SMOC1: variants seen among roughly 807,000 people sequenced by gnomAD.
SMOC1 encodes the protein SPARC-related modular calcium-binding protein 1.
A neutral mutation model predicts 56.3 loss-of-function variants in SMOC1; 22 were observed. The observed-to-expected ratio is 0.39, with a 90% CI of 0.28 to 0.56. SMOC1 has a LOEUF of 0.56. Among genes scored for constraint, SMOC1 ranks in the 20% least tolerant of loss-of-function variants. The probability of loss-of-function intolerance (pLI) is 0.61; values close to 1 mark genes in which losing one functional copy is unlikely to be tolerated. For missense variants in SMOC1, 509 were observed against 565.4 expected (o/e 0.90, Z 1.01); for synonymous variants, 193 against 215.0 (o/e 0.90, Z 0.89).
At chr14:69,953,217 C>T (rs1205018259) in intron 2 of SMOC1, among the ~76,000 whole-genome samples, 2 of 152,154 alleles carry the variant, frequency 1.3e-5, no homozygotes, top group Non-Finnish European at 2.9e-5. Context: ...GGGATAAACA[C>T]GAATCCTCTG....
chr14:69,906,920 A>G (rs558380316), intron 1 of SMOC1, among the ~76,000 whole-genome samples: 1 of 152,346 alleles, frequency 6.6e-6, no homozygotes, highest in Non-Finnish European at 1.5e-5. Context: ...TTAGATGGAG[A>G]TGCAAAGTCA....
chr14:70,012,326 C>T (rs1885369257), intron 9 of SMOC1, among the ~76,000 whole-genome samples: 1 of 152,190 alleles, frequency 6.6e-6, no homozygotes, highest in Non-Finnish European at 1.5e-5. Context: ...AACCCCTCAA[C>T]AAATGTGAAT....
At chr14:69,950,749 C>T (rs1882966174) in intron 1 of SMOC1, among the ~76,000 whole-genome samples, 2 of 152,310 alleles carry the variant, frequency 1.3e-5, no homozygotes, top group South Asian at 2.1e-4. Flanking sequence ...AATTATTGTT[C>T]TCCAACTGTA....
At chr14:69,959,981 C>T (rs1883314786) in intron 3 of SMOC1, among the ~76,000 whole-genome samples, 1 of 152,186 alleles carries the variant, frequency 6.6e-6, no homozygotes, top group Non-Finnish European at 1.5e-5. Flanking sequence ...AACGCATCTT[C>T]CTGACGTCAC....
At chr14:69,991,550 T>A (rs141242573) in intron 5 of SMOC1, among the ~76,000 whole-genome samples, 404 of 152,184 alleles carry the variant, frequency 2.7e-3, no homozygotes, top group African/African-American at 9.0e-3. Context: ...GAACTCAGAG[T>A]CCTGGAAGGT....
At chr14:69,961,851 A>G (rs1883393410) in intron 3 of SMOC1, among the ~76,000 whole-genome samples, 1 of 152,140 alleles carries the variant, frequency 6.6e-6, no homozygotes, top group African/African-American at 2.4e-5. Flanking sequence ...AAGGTAGCTG[A>G]ACCATTTTAC....
chr14:69,908,011 T>C (rs1022935086), intron 1 of SMOC1, among the ~76,000 whole-genome samples: 1 of 152,040 alleles, frequency 6.6e-6, no homozygotes, highest in Non-Finnish European at 1.5e-5. Context: ...ATCATATGAG[T>C]TTTGGAGGGA....
intron 1 of SMOC1, among the ~76,000 whole-genome samples, chr14:69,894,072 C>A (rs188146737): frequency 6.6e-6 from 1 of 152,290 alleles, no homozygotes; most frequent in African/African-American, 2.4e-5. Flanking sequence ...AAATAAATTT[C>A]TGTGATTTAA....
intron 1 of SMOC1, among the ~76,000 whole-genome samples, chr14:69,904,637 C>G (rs932968026): frequency 1.3e-5 from 2 of 152,178 alleles, no homozygotes; most frequent in African/African-American, 4.8e-5. Context: ...CTACTTGAGA[C>G]TAAGAAAAGT....
chr14:69,978,249 G>A (rs1884043043), intron 5 of SMOC1, among the ~76,000 whole-genome samples: 1 of 152,138 alleles, frequency 6.6e-6, no homozygotes, highest in Non-Finnish European at 1.5e-5. Context: ...TGGTTCCCTG[G>A]GGAGCTCGGT....
intron 5 of SMOC1, among the ~76,000 whole-genome samples, chr14:69,991,533 G>A (rs1884568694): frequency 6.6e-6 from 1 of 152,140 alleles, no homozygotes; most frequent in Admixed American, 6.5e-5. Context: ...TTGGGGCCCT[G>A]ATGAAAGAAC....
chr14:70,011,832 T>C (rs996630802), intron 9 of SMOC1, among the ~76,000 whole-genome samples: 4 of 152,230 alleles, frequency 2.6e-5, no homozygotes, highest in Admixed American at 2.0e-4. Flanking sequence ...GCGTTGTCCA[T>C]CTGAGGTCCA....
chr14:69,988,167 C>T (rs530800177), intron 5 of SMOC1, among the ~76,000 whole-genome samples: 245 of 152,210 alleles, frequency 1.6e-3, no homozygotes, highest in Non-Finnish European at 2.5e-3. Flanking sequence ...CTATTATTAC[C>T]GTTGCTCTTG....
chr14:69,969,067 A>G (rs1883669037), intron 3 of SMOC1, among the ~76,000 whole-genome samples: 1 of 152,238 alleles, frequency 6.6e-6, no homozygotes, highest in Non-Finnish European at 1.5e-5. Context: ...TATTTCAAGC[A>G]TAGTGAACTG....
intron 7 of SMOC1, among the ~76,000 whole-genome samples, chr14:70,000,906 C>T (rs114742404): frequency 0.011 from 1,687 of 152,308 alleles, 31 homozygotes; most frequent in African/African-American, 0.037. Flanking sequence ...GAGGTGGCCT[C>T]GGCCAACGTC....
At chr14:69,966,468 C>A (rs1226009025) in intron 3 of SMOC1, among the ~76,000 whole-genome samples, 2 of 152,192 alleles carry the variant, frequency 1.3e-5, no homozygotes, top group African/African-American at 4.8e-5. Flanking sequence ...GTTTATAAAT[C>A]TCCTCCCTAC....
rs1214523209 is a variant in SMOC1 at position 70,018,936 on chromosome 14, C to T, written c.1047-4267C>T. The stretch of plus-strand genomic sequence containing the variant: ...CTCCAGACGGGGCTCAGTTGGTCTG[C>T]TTGGCTTGGCTAGTGCCTCCAGGCC... On this transcript the variant is annotated intron_variant, in intron 10 of 11. Transcript: ENST00000361956. Among the ~76,000 whole-genome samples, 3 of 152,228 alleles carry T rather than the reference C, an allele frequency of 2.0e-5. No individual in the cohort carries two copies. The East Asian group carries it at 5.8e-4, about 29-fold the overall frequency.
At position 70,031,992 on chromosome 14, in the gene SMOC1, G is replaced by A. The variant is rs911049578; in HGVS notation, c.*1734G>A. 6.6e-6 allele frequency: 1 copy of A among 152,358 alleles called. No homozygotes were observed. The highest frequency in any genetic ancestry group is 6.5e-5 in the Admixed American group (1 of 15,288). The allele number at this position is 152,358 out of a possible 1,614,324, so 9.4% of individuals were successfully genotyped here. Reference sequence around the variant, plus strand: ...ACCTTCTCGGGACAGGATCTGATGGGGTCTTGGGCTAAAGGAGGTCCCTGC... The same window carrying A: ...ACCTTCTCGGGACAGGATCTGATGGAGTCTTGGGCTAAAGGAGGTCCCTGC... On this transcript the variant is annotated 3_prime_UTR_variant, in exon 12 of 12. Transcript: ENST00000361956.
chr14:69,947,705 G>A (rs1275421625), intron 1 of SMOC1, among the ~76,000 whole-genome samples: 1 of 152,052 alleles, frequency 6.6e-6, no homozygotes, highest in Non-Finnish European at 1.5e-5. Context: ...GCATACGGTA[G>A]CCTCTAGCCA....
Sources: gnomAD v4.1 joint callset for allele counts (sites outside exome capture counted in the v4.1 genomes callset) on GRCh38, gnomAD v4.1.1 for gene constraint, MANE v1.5 for transcripts, NCBI Gene and HGNC (gene_info 2026-07-23, HGNC 2026-07-21) for gene names.